The following ZNF577 variants were observed in gnomAD, a reference collection of about 807,000 sequenced individuals.
The protein encoded by ZNF577 is zinc finger protein 577.
A neutral mutation model predicts 13.9 loss-of-function variants in ZNF577; 14 were observed. That is an observed-to-expected ratio of 1.00 (90% CI 0.66 to 1.57). ZNF577 has a LOEUF of 1.57. ZNF577 is among the 40% of genes most tolerant of loss of function. ZNF577 has a pLI of 0.00. For missense variants in ZNF577, 555 were observed against 579.2 expected, an observed-to-expected ratio of 0.96 and a Z score of 0.43; for synonymous variants, 203 against 202.9, an observed-to-expected ratio of 1.00 and a Z score of 0.00.
At chr19:51,817,051 A>G (rs2084142378) in intron 9 of ZNF577, among the ~76,000 whole-genome samples, 1 of 152,048 alleles carries the variant, frequency 6.6e-6, no homozygotes. Context: ...ATTTGGAGGG[A>G]TGAACTCCAG....
rs1410317357 is a variant in ZNF577 at position 51,873,194 on chromosome 19, C to T, written c.796G>A (p.Gly266Arg). 1.9e-6 allele frequency: 3 copies of T among 1,614,090 alleles called. No individual in the cohort carries two copies. Among genetic ancestry groups the T allele is most frequent in the South Asian group, 1.1e-5 (1 of 91,072 alleles). The change falls in exon 6 of 6, where the codon GGA becomes AGA. Residue 266 changes from glycine to arginine, a missense_variant. By Grantham distance (125) the Gly-to-Arg change is moderately radical. Transcript: ENST00000638348. ...ACACTGCACCCATAGAGTTTCTCTCCAGTATGTGATCGCTGATGTCTATTG... is the reference window on the plus strand; with the variant it reads ...ACACTGCACCCATAGAGTTTCTCTCTAGTATGTGATCGCTGATGTCTATTG... ...RLNRHQRSHT[G>R]EKLYGCSVCG... is the part of the protein sequence containing the mutation.
intron 1 of ZNF577, among the ~76,000 whole-genome samples, chr19:51,882,609 T>C (rs1248854179): frequency 6.6e-6 from 1 of 151,858 alleles, no homozygotes; most frequent in African/African-American, 2.4e-5. Flanking sequence ...TACCAAGACC[T>C]TGTCTCTACA....
intron 9 of ZNF577, among the ~76,000 whole-genome samples, chr19:51,828,618 GATATATTGTGGGTTCA>G (rs2084243980): frequency 5.9e-5 from 9 of 152,146 alleles, no homozygotes; most frequent in Non-Finnish European, 8.8e-5. Flanking sequence ...ATTGCATTAT[GATATATTGTGGGTTCA>G]GGAAACTGAG....
At chr19:51,861,522 C>T (rs942551828) in intron 5 of ZNF577, 1 of 152,336 alleles carries the variant, frequency 6.6e-6, no homozygotes, top group Non-Finnish European at 1.5e-5. Flanking sequence ...AGGTTTCTCT[C>T]CCACAAGAGT....
chr19:51,852,573 A>G (rs969482444), intron 5 of ZNF577, among the ~76,000 whole-genome samples: 5 of 149,454 alleles, frequency 3.3e-5, no homozygotes, highest in Admixed American at 2.7e-4. Flanking sequence ...AGAAGGGAAC[A>G]GACAGGGCAG....
intron 9 of ZNF577, among the ~76,000 whole-genome samples, chr19:51,816,664 T>C (rs1471498775): frequency 1.3e-5 from 2 of 152,238 alleles, no homozygotes; most frequent in African/African-American, 4.8e-5. Flanking sequence ...CCCTGATTTA[T>C]AGCCCATCAG....
At chr19:51,833,844 G>C (rs182387336) in intron 9 of ZNF577, among the ~76,000 whole-genome samples, 9 of 152,268 alleles carry the variant, frequency 5.9e-5, no homozygotes, top group Admixed American at 3.3e-4. Context: ...TAGATTAACA[G>C]TTAGGGGTAC....
At chr19:51,876,311 C>A (rs1353636289) in intron 5 of ZNF577, among the ~76,000 whole-genome samples, 1 of 152,038 alleles carries the variant, frequency 6.6e-6, no homozygotes, top group Non-Finnish European at 1.5e-5. Context: ...GAGAGCTGTC[C>A]TGGTGGCTGG....
intron 10 of ZNF577, among the ~76,000 whole-genome samples, chr19:51,810,471 C>T (rs557333040): frequency 9.8e-5 from 15 of 152,294 alleles, no homozygotes; most frequent in East Asian, 1.9e-4. Flanking sequence ...TCAGGAATTG[C>T]GGCCCAGGTG....
chr19:51,851,143 G>T (rs7246230), intron 5 of ZNF577, among the ~76,000 whole-genome samples: 2 of 152,188 alleles, frequency 1.3e-5, no homozygotes, highest in East Asian at 3.9e-4. Flanking sequence ...CAGAAATGAG[G>T]ATAAATATTT....
chr19:51,878,834 T>C lies in ZNF577; in HGVS notation c.61-319A>G, dbSNP rs183776377. ...ACAGCACCTCCATGCTATAATATAC[T>C]GCAAAAATGTTAAAATCAATGAGGT... On this transcript the variant is annotated intron_variant, in intron 3 of 5. Coordinates refer to ENST00000638348, the MANE Select transcript of ZNF577 (RefSeq NM_001370449.1). 4 of 222,802 alleles carry C rather than the reference T, an allele frequency of 1.8e-5. No individual in the cohort carries two copies. In the Admixed American group the frequency reaches 2.0e-4, roughly 11 times the overall value. 13.8% of individuals were successfully genotyped at this position (222,802 alleles called of 1,614,324 possible). A position where few individuals can be genotyped will look rare whatever the true frequency, so the allele number is the denominator to read the frequency against.
chr19:51,850,273 G>A (rs1230853843), intron 5 of ZNF577, among the ~76,000 whole-genome samples: 1 of 152,160 alleles, frequency 6.6e-6, no homozygotes, highest in African/African-American at 2.4e-5. Context: ...GTTTTATGAT[G>A]GGGGCCCTTA....
At chr19:51,834,930 C>T (rs73063011) in intron 9 of ZNF577, among the ~76,000 whole-genome samples, 16,272 of 152,192 alleles carry the variant, frequency 0.11, 867 homozygotes, top group South Asian at 0.14. Flanking sequence ...AGCAATCATC[C>T]AACCTGAGCC....
intron 1 of ZNF577, among the ~76,000 whole-genome samples, chr19:51,881,772 G>A (rs531295774): frequency 1.3e-5 from 2 of 152,266 alleles, no homozygotes; most frequent in South Asian, 2.1e-4. Flanking sequence ...TGCTCAGCCT[G>A]CTCCTTCCAC....
At chr19:51,850,947 A>C (rs2084376129) in intron 5 of ZNF577, among the ~76,000 whole-genome samples, 1 of 152,230 alleles carries the variant, frequency 6.6e-6, no homozygotes, top group African/African-American at 2.4e-5. Flanking sequence ...CGGTGTAGTT[A>C]GTAAGTTGAA....
exon 10 of ZNF577, chr19:51,811,527 T>C (rs1472788412): frequency 2.6e-5 from 4 of 152,224 alleles, no homozygotes; most frequent in African/African-American, 9.7e-5. Flanking sequence ...GTTGTCAATT[T>C]CAGTTCCTCT....
At chr19:51,826,323 C>G (rs567281319) in intron 9 of ZNF577, 5 of 152,246 alleles carry the variant, frequency 3.3e-5, no homozygotes, top group African/African-American at 1.2e-4. Context: ...CTTAGTTTTC[C>G]TGAAAGGAGT....
chr19:51,848,968 A>G (rs373303685), intron 5 of ZNF577, among the ~76,000 whole-genome samples: 3 of 152,202 alleles, frequency 2.0e-5, no homozygotes, highest in African/African-American at 7.2e-5. Flanking sequence ...TTTTTGATGT[A>G]TGTAGTTCTA....
intron 9 of ZNF577, among the ~76,000 whole-genome samples, chr19:51,835,156 G>T (rs1254960024): frequency 6.6e-6 from 1 of 152,022 alleles, no homozygotes; most frequent in Non-Finnish European, 1.5e-5. Flanking sequence ...AAATGGATAA[G>T]TTTCTAGCAA....
Sources: allele counts gnomAD v4.1 joint callset (sites outside exome capture counted in the v4.1 genomes callset), GRCh38; gene constraint gnomAD v4.1.1; transcripts MANE v1.5; gene names NCBI Gene and HGNC (gene_info 2026-07-23, HGNC 2026-07-21).